DDX4: variants seen among roughly 807,000 people sequenced by gnomAD.
DDX4 encodes the protein DEAD-box helicase 4, also known as probable ATP-dependent RNA helicase DDX4.
In DDX4, 25 loss-of-function variants were observed where a neutral mutation model predicts 100.0. The ratio of observed to expected loss-of-function variants is 0.25; its 90% CI spans 0.18 to 0.35. The LOEUF is 0.35. Among genes scored for constraint, DDX4 ranks in the 10% least tolerant of loss-of-function variants. The pLI, the probability that DDX4 is intolerant of heterozygous loss-of-function variation, is 1.00. For synonymous variants in DDX4, 259 were observed against 275.7 expected, an observed-to-expected ratio of 0.94 and a Z score of 0.60; for missense variants, 635 against 882.4, an observed-to-expected ratio of 0.72 and a Z score of 3.55.
intron 3 of DDX4, among the ~76,000 whole-genome samples, chr5:55,757,858 A>G (rs1383903458): frequency 6.6e-6 from 1 of 152,136 alleles, no homozygotes; most frequent in Non-Finnish European, 1.5e-5. Context: ...TGCTTGGCCA[A>G]TGTGGTGAAA....
At chr5:55,807,235 C>T (rs534189698) in intron 18 of DDX4, among the ~76,000 whole-genome samples, 4 of 152,160 alleles carry the variant, frequency 2.6e-5, no homozygotes, top group Non-Finnish European at 5.9e-5. Context: ...TGAGCTGGGT[C>T]TCCTGAATAC....
At chr5:55,752,724 G>GT (rs1318866354) in intron 3 of DDX4, among the ~76,000 whole-genome samples, 1 of 144,300 alleles carries the variant, frequency 6.9e-6, no homozygotes, top group African/African-American at 2.7e-5. Context: ...GGGTCAAATG[G>GT]TATTTCCAGT....
intron 18 of DDX4, among the ~76,000 whole-genome samples, chr5:55,811,130 G>GA (rs1013237723): frequency 2.0e-5 from 3 of 150,350 alleles, no homozygotes; most frequent in Admixed American, 6.6e-5. Flanking sequence ...TGGCTCTGAG[G>GA]AAAAAAAACT....
At chr5:55,767,521 C>T (rs1248270509) in intron 6 of DDX4, among the ~76,000 whole-genome samples, 2 of 152,128 alleles carry the variant, frequency 1.3e-5, no homozygotes, top group Non-Finnish European at 2.9e-5. Context: ...ATGTGAGAAC[C>T]ACTTGATTAC....
intron 18 of DDX4, among the ~76,000 whole-genome samples, chr5:55,804,280 C>G (rs1297415165): frequency 1.3e-5 from 2 of 151,738 alleles, no homozygotes; most frequent in Non-Finnish European, 2.9e-5. Flanking sequence ...GTTGCCTGTT[C>G]ACTCTGATGG....
rs7724135 is a variant in DDX4, at chr5:55,739,127, A to T, written c.69+95A>T. 164 of 757,098 alleles carry T rather than the reference A, an allele frequency of 2.2e-4. No individual in the cohort carries two copies. In the African/African-American group the frequency reaches 2.7e-3, roughly 13 times the overall value. 46.9% of individuals were successfully genotyped at this position (757,098 alleles called of 1,614,324 possible). On this transcript the variant is annotated intron_variant, in intron 2 of 21. Transcript: ENST00000505374. The stretch of plus-strand genomic sequence containing the variant: ...AGTTCTAAATTATACAGTCTGTGTC[A>T]GTGTTTATCTCCATGTGATTGTTAT...
chr5:55,776,955 A>G (rs77559536), intron 7 of DDX4, among the ~76,000 whole-genome samples: 50 of 152,336 alleles, frequency 3.3e-4, no homozygotes, highest in Non-Finnish European at 5.4e-4. Context: ...AGCAAATGAA[A>G]AGACTGAAAT....
intron 2 of DDX4, among the ~76,000 whole-genome samples, chr5:55,743,110 C>T (rs1205957922): frequency 5.9e-5 from 9 of 152,140 alleles, no homozygotes. Flanking sequence ...CTTAAAGCAA[C>T]ATAAATTTAT....
At chr5:55,751,020 G>A (rs1759519129) in intron 3 of DDX4, among the ~76,000 whole-genome samples, 1 of 152,096 alleles carries the variant, frequency 6.6e-6, no homozygotes, top group South Asian at 2.1e-4. Context: ...ACTTTGGATA[G>A]TGGACTCGAG....
chr5:55,748,680 C>T (rs1356952129), intron 3 of DDX4, among the ~76,000 whole-genome samples: 3 of 151,594 alleles, frequency 2.0e-5, no homozygotes, highest in African/African-American at 7.3e-5. Flanking sequence ...GAAATATAAA[C>T]CAGGACAGTG....
chr5:55,790,969 G>T (rs1375311704), intron 16 of DDX4, among the ~76,000 whole-genome samples: 2 of 152,148 alleles, frequency 1.3e-5, no homozygotes, highest in Non-Finnish European at 2.9e-5. Context: ...TAAGTATAGA[G>T]CTAATGTTAG....
At chr5:55,808,175 C>G (rs941540134) in intron 18 of DDX4, among the ~76,000 whole-genome samples, 3 of 152,164 alleles carry the variant, frequency 2.0e-5, no homozygotes, top group Non-Finnish European at 2.9e-5. Context: ...CCATCAGGTC[C>G]TTTAAGGACT....
Position 55,816,687 on chromosome 5 carries a change from C to T in DDX4, c.*147C>T. The T allele has an allele frequency of 4.4e-6, 6 of 1,356,874 alleles. No homozygotes were observed. The South Asian group carries it at 8.6e-5, about 20-fold the overall frequency. The allele number at this position is 1,356,874 out of a possible 1,614,324, so 84.1% of individuals were successfully genotyped here. ...CCTACACTTAAAAAAAAAATCCTTACTGACTAGTTATGTGAGATGCTAAAA... is the reference window on the plus strand; with the variant it reads ...CCTACACTTAAAAAAAAAATCCTTATTGACTAGTTATGTGAGATGCTAAAA... On this transcript the variant is annotated 3_prime_UTR_variant, in exon 22 of 22. Coordinates refer to ENST00000505374, the MANE Select transcript of DDX4 (RefSeq NM_024415.3).
chr5:55,816,773 A>T lies in DDX4; in HGVS notation c.*233A>T. On this transcript the variant is annotated 3_prime_UTR_variant, in exon 22 of 22. Transcript: ENST00000505374. Reference sequence around the variant, plus strand: ...AACTGGGAATATTAAAGCATTCTAAATGTCTTTCTTATTTCTGGTATATTC... The same window carrying T: ...AACTGGGAATATTAAAGCATTCTAATTGTCTTTCTTATTTCTGGTATATTC... 1.7e-6 allele frequency: 1 copy of T among 597,712 alleles called. No homozygotes were observed. The highest frequency in any genetic ancestry group is 2.5e-6 in the Non-Finnish European group (1 of 392,220). 37.0% of individuals were successfully genotyped at this position (597,712 alleles called of 1,614,324 possible). A position where few individuals can be genotyped will look rare whatever the true frequency, so the allele number is the denominator to read the frequency against.
At position 55,816,617 on chromosome 5, in the gene DDX4, T is replaced by C. The variant is rs184506812; in HGVS notation, c.*77T>C. On this transcript the variant is annotated 3_prime_UTR_variant, in exon 22 of 22. Coordinates refer to ENST00000505374, the MANE Select transcript of DDX4 (RefSeq NM_024415.3). ...TTGATTTTTGAGTTTTTAACAGAAG[T>C]ATAAAACTTAACATTCTCATAGCTC... is the stretch of plus-strand genomic sequence containing the variant. The C allele has an allele frequency of 1.3e-6, 2 of 1,561,738 alleles. No homozygotes were observed. Among genetic ancestry groups the C allele is most frequent in the East Asian group, 2.3e-5 (1 of 43,314 alleles).
chr5:55,760,259 C>T lies in DDX4; in HGVS notation c.187C>T (p.Arg63Trp), dbSNP rs769838684. Residue 63 changes from arginine (R) to tryptophan (W), a missense_variant, in exon 4 of 22, where the codon CGG (arginine) becomes TGG (tryptophan). This residue lies in a region of DDX4 where 446 missense variants were observed against 540.8 expected (regional missense o/e 0.82). Transcript: ENST00000505374. ...CATGAAAAGTGGATTTGCCTCTGGG[C>T]GGAATTTTGGAAACAGAGGTAAGCA... Reference protein sequence around the residue: ...HFMKSGFASGRNFGNRDAGEC... With the variant: ...HFMKSGFASGWNFGNRDAGEC... 1.2e-5 allele frequency: 19 copies of T among 1,568,428 alleles called. No homozygotes were observed. The highest frequency in any genetic ancestry group is 1.7e-4 in the Middle Eastern group (1 of 5,944).
At chr5:55,792,952 C>A in intron 17 of DDX4, 145 bp downstream of exon 17, 2 of 414,356 alleles carry the variant, frequency 4.8e-6, no homozygotes, top group Non-Finnish European at 7.3e-6. Flanking sequence ...ATTTCTAAAA[C>A]GTTTGCCACA....
At chr5:55,801,523 A>G (rs1743305508) in intron 18 of DDX4, among the ~76,000 whole-genome samples, 1 of 152,204 alleles carries the variant, frequency 6.6e-6, no homozygotes, top group Admixed American at 6.5e-5. Context: ...AGAAGGCACA[A>G]AGAGTGTGCT....
At chr5:55,801,215 G>GT (rs760157665) in intron 18 of DDX4, among the ~76,000 whole-genome samples, 3,782 of 103,414 alleles carry the variant, frequency 0.037, 85 homozygotes, top group South Asian at 0.09. Flanking sequence ...ATGATGGGGT[G>GT]TTTTTTTTTT....
Sources: allele counts gnomAD v4.1 joint callset (sites outside exome capture counted in the v4.1 genomes callset), GRCh38; gene constraint gnomAD v4.1.1; regional missense constraint gnomAD v4.1.1; transcripts MANE v1.5; gene names NCBI Gene and HGNC (gene_info 2026-07-23, HGNC 2026-07-21).